Variants in FRY observed in about 807,000 individuals in gnomAD.
The protein encoded by FRY is FRY microtubule binding protein, also known as protein furry homolog.
A neutral mutation model predicts 348.4 loss-of-function variants in FRY; 128 were observed. The ratio of observed to expected loss-of-function variants is 0.37; its 90% CI spans 0.32 to 0.43. FRY has a LOEUF of 0.43. Among genes scored for constraint, FRY ranks in the 20% least tolerant of loss-of-function variants. FRY has a pLI of 1.00. For synonymous variants in FRY, 1,370 were observed against 1,374.7 expected (o/e 1.00, Z 0.08); for missense variants, 2,736 against 3,695.2 (o/e 0.74, Z 6.73).
intron 18 of FRY, among the ~76,000 whole-genome samples, chr13:32,172,460 G>A (rs1221723890): frequency 6.6e-6 from 1 of 152,200 alleles, no homozygotes; most frequent in Non-Finnish European, 1.5e-5. Flanking sequence ...CCACGGAGAG[G>A]ACAGTGCAGT....
intron 4 of FRY, among the ~76,000 whole-genome samples, chr13:32,117,769 T>A (rs1430053641): frequency 2.6e-5 from 4 of 151,724 alleles, no homozygotes; most frequent in African/African-American, 9.7e-5. Flanking sequence ...TCCCACTGAG[T>A]CTACACCCAA....
intron 4 of FRY, among the ~76,000 whole-genome samples, chr13:32,121,509 A>G (rs1431346109): frequency 1.3e-5 from 2 of 151,422 alleles, no homozygotes; most frequent in African/African-American, 4.9e-5. Flanking sequence ...TGTGGTTTTG[A>G]TTTGCATTTC....
intron 23 of FRY, among the ~76,000 whole-genome samples, chr13:32,180,369 G>C (rs1028272058): frequency 6.6e-6 from 1 of 152,096 alleles, no homozygotes. Context: ...TGAGTAGCTG[G>C]GGCTACAGAC....
At chr13:32,160,368 G>A (rs894126554) in intron 16 of FRY, among the ~76,000 whole-genome samples, 1 of 152,022 alleles carries the variant, frequency 6.6e-6, no homozygotes, top group African/African-American at 2.4e-5. Flanking sequence ...GATTTTGGTG[G>A]GTAGTTTATT....
chr13:32,097,043 G>C lies in FRY; in HGVS notation c.271-4920G>C, dbSNP rs142869820. On this transcript the variant is annotated intron_variant, in intron 2 of 60. Coordinates refer to ENST00000542859, the MANE Select transcript of FRY (RefSeq NM_023037.3). Reference sequence around the variant, plus strand: ...AAAATGTGTAAGTGTAAAATACCATGTTTATCAGCTTCCCATCTAATTTGT... The same window carrying C: ...AAAATGTGTAAGTGTAAAATACCATCTTTATCAGCTTCCCATCTAATTTGT... Among the ~76,000 whole-genome samples, 84 of 152,194 alleles carry C rather than the reference G, an allele frequency of 5.5e-4. 1 individual carries two copies. In the East Asian group the frequency reaches 0.015, roughly 28 times the overall value.
At chr13:32,194,352 G>T (rs1358856382) in intron 29 of FRY, 55 bp downstream of exon 29, 14 of 1,508,616 alleles carry the variant, frequency 9.3e-6, no homozygotes, top group Non-Finnish European at 1.3e-5. Flanking sequence ...GTTACTTTTT[G>T]TGATATGAAT....
At chr13:32,036,081 C>T (rs79155748) in intron 1 of FRY, among the ~76,000 whole-genome samples, 2,090 of 152,140 alleles carry the variant, frequency 0.014, 51 homozygotes, top group African/African-American at 0.047. Context: ...TTTATTGATG[C>T]CTGTTTATGT....
At chr13:32,129,590 A>T (rs1405201665) in intron 7 of FRY, among the ~76,000 whole-genome samples, 1 of 152,170 alleles carries the variant, frequency 6.6e-6, no homozygotes, top group Admixed American at 6.5e-5. Context: ...ATTCTGTAGA[A>T]GTCCACCAAA....
intron 17 of FRY, among the ~76,000 whole-genome samples, chr13:32,163,067 G>T (rs1416406709): frequency 6.6e-6 from 1 of 152,130 alleles, no homozygotes; most frequent in Admixed American, 6.5e-5. Flanking sequence ...TGAGTCACCC[G>T]GGATGAGGGC....
chr13:32,291,639 A>G (rs1215392931), intron 59 of FRY, among the ~76,000 whole-genome samples: 1 of 152,160 alleles, frequency 6.6e-6, no homozygotes, highest in Non-Finnish European at 1.5e-5. Flanking sequence ...TCCTGAGTTC[A>G]GGTGATCCAC....
intron 58 of FRY, 72 bp downstream of exon 58, chr13:32,278,620 A>C (rs1236584325): frequency 1.2e-6 from 1 of 858,324 alleles, no homozygotes; most frequent in Non-Finnish European, 2.0e-6. Flanking sequence ...CTACCCAAGA[A>C]GCCTGGAACT....
At chr13:32,042,775 C>T (rs1294972881) in intron 1 of FRY, among the ~76,000 whole-genome samples, 1 of 152,172 alleles carries the variant, frequency 6.6e-6, no homozygotes, top group East Asian at 1.9e-4. Flanking sequence ...ATATGCCTAC[C>T]CTTAGACCAG....
At chr13:32,057,604 CT>C (rs1873705269) in intron 1 of FRY, among the ~76,000 whole-genome samples, 1 of 152,190 alleles carries the variant, frequency 6.6e-6, no homozygotes, top group Non-Finnish European at 1.5e-5. Context: ...AACTTCCTTC[CT>C]TGCAGATTCT....
chr13:32,172,304 G>A (rs551716525), intron 18 of FRY, among the ~76,000 whole-genome samples: 22 of 152,264 alleles, frequency 1.4e-4, no homozygotes, highest in African/African-American at 4.1e-4. Context: ...TGTGAATATT[G>A]ATGTGGATGT....
intron 1 of FRY, among the ~76,000 whole-genome samples, chr13:32,051,069 T>C (rs191148092): frequency 8.5e-5 from 13 of 152,230 alleles, no homozygotes; most frequent in African/African-American, 3.1e-4. Flanking sequence ...AGGTAATAAC[T>C]TAATCTGAGT....
chr13:32,244,972 A>G (rs1398598028), intron 47 of FRY, among the ~76,000 whole-genome samples: 1 of 151,794 alleles, frequency 6.6e-6, no homozygotes, highest in East Asian at 1.9e-4. Flanking sequence ...TTTTTTTTCA[A>G]AACTGAGTCT....
At chr13:32,232,872 G>A (rs1446440463) in intron 41 of FRY, among the ~76,000 whole-genome samples, 2 of 152,164 alleles carry the variant, frequency 1.3e-5, no homozygotes, top group African/African-American at 4.8e-5. Flanking sequence ...TACTAGTACA[G>A]TTCTAGCCTT....
chr13:32,187,640 C>T lies in FRY; in HGVS notation c.3575C>T (p.Ala1192Val). 3 of 1,598,264 alleles carry T rather than the reference C, an allele frequency of 1.9e-6. No individual in the cohort carries two copies. Among genetic ancestry groups the T allele is most frequent in the Non-Finnish European group, 2.6e-6 (3 of 1,165,652 alleles). ...TATAAATGGCTTGACAACATTCTGG[C>T]TTGTCAAGATTTACGAGTAAGTATA... ...YLYKWLDNIL[A>V]CQDLRVHQLG... Residue 1192 changes from alanine (A) to valine (V), a missense_variant, in exon 28 of 61, where the codon GCT (alanine) becomes GTT (valine). Around this residue, in one of 9 missense-constraint regions of FRY, gnomAD observed 794 missense variants for 977.0 expected, o/e 0.81. Coordinates refer to ENST00000542859, the MANE Select transcript of FRY (RefSeq NM_023037.3).
chr13:32,069,397 T>C (rs1874475579), intron 1 of FRY, among the ~76,000 whole-genome samples: 1 of 152,174 alleles, frequency 6.6e-6, no homozygotes, highest in Non-Finnish European at 1.5e-5. Context: ...TTCTCCAAAT[T>C]ACAACGTTTA....
Sources: allele counts gnomAD v4.1 joint callset (sites outside exome capture counted in the v4.1 genomes callset), GRCh38; gene constraint gnomAD v4.1.1; regional missense constraint gnomAD v4.1.1; transcripts MANE v1.5; gene names NCBI Gene and HGNC (gene_info 2026-07-23, HGNC 2026-07-21).